Variants in MUTYH observed in about 807,000 individuals in gnomAD.
MUTYH encodes adenine DNA glycosylase.
MUTYH carries 64 observed loss-of-function variants against 72.9 expected under a neutral mutation model. The ratio of observed to expected loss-of-function variants is 0.88; its 90% CI spans 0.72 to 1.08. MUTYH has a LOEUF of 1.08. MUTYH is among the 50% of genes least tolerant of loss of function. MUTYH has a pLI of 0.00. For missense variants in MUTYH, 633 were observed against 671.0 expected, an observed-to-expected ratio of 0.94 and a Z score of 0.63; for synonymous variants, 234 against 263.1, an observed-to-expected ratio of 0.89 and a Z score of 1.07.
rs1570444542 is a variant in MUTYH, at chr1:45,333,514, A to G, written c.163T>C (p.Ser55Pro). Residue 55 changes from serine (S) to proline (P), a missense_variant, in exon 3 of 16, where the codon TCA (serine) becomes CCA (proline). By Grantham distance (74) the Ser-to-Pro change is moderately conservative. Transcript: ENST00000456914. ...EEVVLQASVS[S>P]YHLFRDVAEV... ...GCTACGTCTCTGAATAGATGGTATG[A>G]GGAGACAGAGGCCTGCAATACCACC... 6.2e-7 allele frequency: 1 copy of G among 1,614,204 alleles called. No individual in the cohort carries two copies. Among genetic ancestry groups the G allele is most frequent in the Non-Finnish European group, 8.5e-7 (1 of 1,180,024 alleles).
At chr1:45,331,993 G>T (rs765590176) in intron 11 of MUTYH, 30 bp downstream of exon 11, 1 of 1,614,072 alleles carries the variant, frequency 6.2e-7, no homozygotes, top group Non-Finnish European at 8.5e-7. Flanking sequence ...GCCAGGAAGG[G>T]TTGGGGTGGG....
Position 45,334,383 on chromosome 1 carries a change from T to C in MUTYH, c.115+8A>G. 3 of 1,613,874 alleles carry C rather than the reference T, an allele frequency of 1.9e-6. No individual in the cohort carries two copies. The highest frequency in any genetic ancestry group is 2.5e-6 in the Non-Finnish European group (3 of 1,179,904). On this transcript the variant is annotated splice_region_variant and intron_variant, in intron 2 of 15. Coordinates refer to ENST00000456914, the MANE Select transcript of MUTYH (RefSeq NM_001048174.2). ...CAATGAGCCTTGGGCCACAACCTAG[T>C]TCCTTACCATCACAGGCAGAAGGCT...
Position 45,332,659 on chromosome 1 carries a change from G to T in MUTYH, c.521C>A (p.Pro174Gln). 1 of 1,614,080 alleles carries T rather than the reference G, an allele frequency of 6.2e-7. No homozygotes were observed. The highest frequency in any genetic ancestry group is 8.5e-7 in the Non-Finnish European group (1 of 1,179,984). ...CTGCTGCAGGGTCTCTGCTGTACGT[G>T]GCATGTGGCCCCCTAGCTCCTCTAC... Reference protein sequence around the residue: ...KVVEELGGHMPRTAETLQQLL... With the variant: ...KVVEELGGHMQRTAETLQQLL... Residue 174 changes from proline to glutamine, a missense_variant, in exon 8 of 16, where the codon CCA becomes CAA. By Grantham distance (76) the Pro-to-Gln change is moderately conservative. Transcript: ENST00000456914.
In MUTYH at chr1:45,331,456, C is replaced by G. The variant is rs755651654; in HGVS notation, c.1203G>C (p.Gly401=). 1 of 1,614,222 alleles carries G rather than the reference C, an allele frequency of 6.2e-7. No individual in the cohort carries two copies. The highest frequency in any genetic ancestry group is 1.1e-5 in the South Asian group (1 of 91,084). The change falls in exon 13 of 16, where the codon GGG becomes GGC. Residue 401 remains glycine, a synonymous_variant. Coordinates refer to ENST00000456914, the MANE Select transcript of MUTYH (RefSeq NM_001048174.2). ...GCCGGAGGTGCGTGGCTGGGAGGGG[C>G]CCAGCCCAACGCTGTAGTTCCTGCA... ...ALLQELQRWA[G]PLPATHLRHL... is the part of the protein sequence containing the mutation.
rs1198489383 is a variant in MUTYH, at chr1:45,331,170, C to T, written c.1392+12G>A. On this transcript the variant is annotated intron_variant, in intron 14 of 15. Coordinates refer to ENST00000456914, the MANE Select transcript of MUTYH (RefSeq NM_001048174.2). The stretch of plus-strand genomic sequence containing the variant: ...ACACAAGGAAGTACAACAAAGACAA[C>T]AAAGGTAGTGCCTTTTTCATGGCGG... 10 of 1,614,028 alleles carry T rather than the reference C, an allele frequency of 6.2e-6. No individual in the cohort carries two copies. Among genetic ancestry groups the T allele is most frequent in the African/African-American group, 2.7e-5 (2 of 74,910 alleles).
rs773394286 is a variant in MUTYH, at chr1:45,332,973, C to T, written c.379-14G>A. Reference sequence around the variant, plus strand: ...TGTAGGCCACTTCTATAGCCACAGGCAGGCAGAAAGAGACAAGGTCAAGGG... The same window carrying T: ...TGTAGGCCACTTCTATAGCCACAGGTAGGCAGAAAGAGACAAGGTCAAGGG... On this transcript the variant is annotated splice_polypyrimidine_tract_variant and intron_variant, in intron 5 of 15. Coordinates refer to ENST00000456914, the MANE Select transcript of MUTYH (RefSeq NM_001048174.2). The T allele has an allele frequency of 5.0e-6, 8 of 1,614,024 alleles. No homozygotes were observed. In the East Asian group the frequency reaches 1.6e-4, roughly 31 times the overall value.
chr1:45,339,476 A>G (rs1242200969), intron 1 of MUTYH, among the ~76,000 whole-genome samples: 5 of 149,902 alleles, frequency 3.3e-5, no homozygotes, highest in African/African-American at 1.2e-4. Context: ...GGCCTCCCAA[A>G]GTGCTGGGAT....
chr1:45,339,911 C>G lies in MUTYH; in HGVS notation c.-19G>C. 2.1e-6 allele frequency: 3 copies of G among 1,433,912 alleles called. No homozygotes were observed. Among genetic ancestry groups the G allele is most frequent in the South Asian group, 1.2e-5 (1 of 83,224 alleles). 88.8% of individuals were successfully genotyped at this position (1,433,912 alleles called of 1,614,324 possible). ...CACTACCCGCTACCCGCGGCCCACG[C>G]TGATGAAGACAGCAGAACACGGAGG... On this transcript the variant is annotated 5_prime_UTR_variant, in exon 1 of 16. Transcript: ENST00000456914.
At position 45,329,283 on chromosome 1, in the gene MUTYH, G is replaced by A. The variant is rs1407132115; in HGVS notation, c.*23C>T. On this transcript the variant is annotated 3_prime_UTR_variant, in exon 16 of 16. Transcript: ENST00000456914. ...CACTTTACTAACAACAGGATTCTCA[G>A]GGAATGGGGGCTTTCAGAGGTGTCA... is the stretch of plus-strand genomic sequence containing the variant. 1 of 1,614,134 alleles carries A rather than the reference G, an allele frequency of 6.2e-7. No homozygotes were observed. The highest frequency in any genetic ancestry group is 1.1e-5 in the South Asian group (1 of 91,078).
intron 14 of MUTYH, among the ~76,000 whole-genome samples, chr1:45,330,896 C>T (rs1644701825): frequency 6.6e-6 from 1 of 151,700 alleles, no homozygotes. Context: ...ACCAGCCTGG[C>T]CAGCATGGTG....
chr1:45,332,667 G>A lies in MUTYH; in HGVS notation c.513C>T (p.Gly171=), dbSNP rs2149152498. 1 of 1,614,138 alleles carries A rather than the reference G, an allele frequency of 6.2e-7. No homozygotes were observed. Residue 171 remains glycine, a synonymous_variant, in exon 8 of 16, where the codon GGC becomes GGT. Transcript: ENST00000456914. ...GARKVVEELG[G]HMPRTAETLQ... The stretch of plus-strand genomic sequence containing the variant: ...GGGTCTCTGCTGTACGTGGCATGTG[G>A]CCCCCTAGCTCCTCTACCACCTGAT...
Position 45,333,458 on chromosome 1 carries a change from T to A in MUTYH, c.219A>T (p.Leu73=). The stretch of plus-strand genomic sequence containing the variant: ...CCCGTTTCTCTTGGTCGTACCAGCT[T>A]AGCAGGCTCCCTCGGAAGGCTGTGA... ...AEVTAFRGSL[L]SWYDQEKRDL... Residue 73 remains leucine (L), a synonymous_variant, in exon 3 of 16, where the codon CTA becomes CTT. Transcript: ENST00000456914. The A allele has an allele frequency of 6.2e-7, 1 of 1,614,224 alleles. No homozygotes were observed. Among genetic ancestry groups the A allele is most frequent in the Non-Finnish European group, 8.5e-7 (1 of 1,180,034 alleles).
intron 4 of MUTYH, 45 bp from the exon 5 acceptor site, chr1:45,333,215 A>G (rs1645294530): frequency 1.2e-6 from 2 of 1,613,882 alleles, no homozygotes; most frequent in Admixed American, 1.7e-5. Context: ...ACCTGCCCCT[A>G]CCTGGCCCAC....
upstream of MUTYH, chr1:45,340,266 G>A (rs1310672482): frequency 6.2e-7 from 1 of 1,613,844 alleles, no homozygotes. Context: ...GCCGCCGACA[G>A]TGACGATGGC....
At chr1:45,338,329 T>C (rs954672796) in intron 1 of MUTYH, 7 of 523,556 alleles carry the variant, frequency 1.3e-5, no homozygotes, top group Non-Finnish European at 2.6e-5. Context: ...CTGAATTTAG[T>C]TGCTTAAACA....
intron 1 of MUTYH, among the ~76,000 whole-genome samples, chr1:45,335,153 T>C (rs1481132859): frequency 2.6e-5 from 4 of 152,160 alleles, no homozygotes; most frequent in Non-Finnish European, 4.4e-5. Flanking sequence ...GGCCGCCTTT[T>C]CTCTAACAGC....
chr1:45,329,303 G>A lies in MUTYH; in HGVS notation c.*3C>T. ...TCTCAGGGAATGGGGGCTTTCAGAG[G>A]TGTCACTGGGCTGCACTGTTGAGGC... On this transcript the variant is annotated 3_prime_UTR_variant, in exon 16 of 16. Coordinates refer to ENST00000456914, the MANE Select transcript of MUTYH (RefSeq NM_001048174.2). 1 of 1,614,228 alleles carries A rather than the reference G, an allele frequency of 6.2e-7. No homozygotes were observed. The highest frequency in any genetic ancestry group is 8.5e-7 in the Non-Finnish European group (1 of 1,180,048).
chr1:45,337,987 T>C (rs1490893921), intron 1 of MUTYH, among the ~76,000 whole-genome samples: 1 of 152,224 alleles, frequency 6.6e-6, no homozygotes, highest in African/African-American at 2.4e-5. Context: ...TGGGGTTTAA[T>C]GTTGCAATTT....
In MUTYH at chr1:45,334,743, T is replaced by C. The variant is rs1376079712; in HGVS notation, c.-6-232A>G. Among the ~76,000 whole-genome samples the C allele has an allele frequency of 3.3e-5, 5 of 152,156 alleles. No homozygotes were observed. The East Asian group carries it at 7.7e-4, about 23-fold the overall frequency. The stretch of plus-strand genomic sequence containing the variant: ...GGCCGGCGTTACAGCCCTGGAGACA[T>C]GCAAAGACTGTGAGGCCAGGGCTGG... On this transcript the variant is annotated intron_variant, in intron 1 of 15. Transcript: ENST00000456914.
Sources: gnomAD v4.1 joint callset for allele counts (sites outside exome capture counted in the v4.1 genomes callset) on GRCh38, gnomAD v4.1.1 for gene constraint, MANE v1.5 for transcripts, NCBI Gene and HGNC (gene_info 2026-07-23, HGNC 2026-07-21) for gene names.